Variants in CTNND2 observed in about 807,000 individuals in gnomAD.
CTNND2 encodes the protein catenin delta 2.
CTNND2 carries 22 observed loss-of-function variants against 144.4 expected under a neutral mutation model. The ratio of observed to expected loss-of-function variants is 0.15; its 90% CI spans 0.11 to 0.22. The LOEUF is 0.22. CTNND2 is among the 10% of genes least tolerant of loss of function. The pLI, the probability that CTNND2 is intolerant of heterozygous loss-of-function variation, is 1.00. For missense variants in CTNND2, 1,353 were observed against 1,618.8 expected (o/e 0.84, Z 2.82); for synonymous variants, 751 against 695.6 (o/e 1.08, Z -1.25).
At chr5:11,815,639 G>T (rs926122351) in intron 1 of CTNND2, among the ~76,000 whole-genome samples, 1 of 152,042 alleles carries the variant, frequency 6.6e-6, no homozygotes, top group Non-Finnish European at 1.5e-5. Context: ...GATAGATCTC[G>T]TAAAATCAAG....
intron 2 of CTNND2, among the ~76,000 whole-genome samples, chr5:11,730,867 G>C (rs965843037): frequency 1.3e-5 from 2 of 152,166 alleles, no homozygotes; most frequent in East Asian, 3.8e-4. Context: ...TCAGAAGTTA[G>C]TAGCCTAGCA....
At chr5:11,463,570 T>C (rs1195482753) in intron 3 of CTNND2, among the ~76,000 whole-genome samples, 1 of 152,142 alleles carries the variant, frequency 6.6e-6, no homozygotes, top group Non-Finnish European at 1.5e-5. Flanking sequence ...TAATATTCCA[T>C]GCCCCCATGT....
At chr5:11,509,957 G>T (rs1771475019) in intron 3 of CTNND2, among the ~76,000 whole-genome samples, 1 of 151,996 alleles carries the variant, frequency 6.6e-6, no homozygotes. Flanking sequence ...TTAGAGACAG[G>T]GTCTCGCTCT....
intron 3 of CTNND2, among the ~76,000 whole-genome samples, chr5:11,481,756 AATAGTC>A (rs1768291688): frequency 6.6e-6 from 1 of 152,182 alleles, no homozygotes; most frequent in Admixed American, 6.5e-5. Context: ...ATTTATTTGT[AATAGTC>A]ATATTTGTGT....
chr5:11,726,947 A>C (rs888262403), intron 2 of CTNND2, among the ~76,000 whole-genome samples: 1 of 152,184 alleles, frequency 6.6e-6, no homozygotes, highest in Non-Finnish European at 1.5e-5. Context: ...AAAAGTCAAA[A>C]TAACTTAGAG....
chr5:11,564,941 T>G lies in CTNND2; in HGVS notation c.287+3A>C. On this transcript the variant is annotated splice_donor_region_variant and intron_variant, in intron 3 of 21. Transcript: ENST00000304623. ...CAGACAATGAACAGAGCGGCGCTAG[T>G]ACCTCATGCTGCTCATGCTGCCAGT... is the stretch of plus-strand genomic sequence containing the variant. The G allele has an allele frequency of 6.2e-7, 1 of 1,606,870 alleles. No individual in the cohort carries two copies. The highest frequency in any genetic ancestry group is 8.5e-7 in the Non-Finnish European group (1 of 1,173,396).
In CTNND2 at chr5:10,972,609, T is replaced by C. The variant is rs1735953351; in HGVS notation, c.*844A>G. Reference sequence around the variant, plus strand: ...ACTGGTATAAATGAAAAAATCTATTTCAAATATCTACATCTAAAATTTTAG... The same window carrying C: ...ACTGGTATAAATGAAAAAATCTATTCCAAATATCTACATCTAAAATTTTAG... On this transcript the variant is annotated 3_prime_UTR_variant, in exon 22 of 22. Transcript: ENST00000304623. 1 of 152,632 alleles carries C rather than the reference T, an allele frequency of 6.6e-6. No individual in the cohort carries two copies. The highest frequency in any genetic ancestry group is 2.4e-5 in the African/African-American group (1 of 41,458). 9.5% of individuals were successfully genotyped at this position (152,632 alleles called of 1,614,324 possible).
intron 13 of CTNND2, 21 bp downstream of exon 13, chr5:11,117,429 A>C: frequency 6.3e-7 from 1 of 1,583,836 alleles, no homozygotes; most frequent in African/African-American, 1.3e-5. Context: ...AACATGTTTA[A>C]TCTATGCCAG....
intron 16 of CTNND2, among the ~76,000 whole-genome samples, chr5:11,066,043 CTTT>C (rs34270980): frequency 6.3e-5 from 9 of 142,932 alleles, no homozygotes; most frequent in African/African-American, 7.8e-5. Context: ...AATCTTTTAT[CTTT>C]TTTTTTTTTT....
chr5:11,244,774 C>T (rs12186871), intron 9 of CTNND2, among the ~76,000 whole-genome samples: 13,178 of 152,226 alleles, frequency 0.087, 766 homozygotes, highest in South Asian at 0.15. Context: ...TTAATTCATT[C>T]AACCATGATT....
Position 11,470,978 on chromosome 5 carries a change from ATATTTTTT to A in CTNND2, c.288-58917_288-58910del, listed in dbSNP as rs1268033054. Among the ~76,000 whole-genome samples, 849 of 95,808 alleles carry A rather than the reference ATATTTTTT, an allele frequency of 8.9e-3. 17 individuals carry two copies. Among genetic ancestry groups the A allele is most frequent in the African/African-American group, 0.048 (803 of 16,810 alleles). The allele number at this position is 95,808 out of a possible 152,430, so 62.9% of individuals were successfully genotyped here. A position where few individuals can be genotyped will look rare whatever the true frequency, so the allele number is the denominator to read the frequency against. ...AGTATATATATATATATATATATAT[ATATTTTTT>A]TTTTTTTTTTAGATGGAGTCTCTCT... On this transcript the variant is annotated intron_variant, in intron 3 of 21. Transcript: ENST00000304623.
In CTNND2 at chr5:11,197,672, C is replaced by T. The variant is rs572078807; in HGVS notation, c.1975+1776G>A. Reference sequence around the variant, plus strand: ...ACCCAGAAGCTGTTGGAAGCAATGTCGAAGGCAATGGAGTAGACTGCGGTC... The same window carrying T: ...ACCCAGAAGCTGTTGGAAGCAATGTTGAAGGCAATGGAGTAGACTGCGGTC... On this transcript the variant is annotated intron_variant, in intron 11 of 21. Transcript: ENST00000304623. Among the ~76,000 whole-genome samples, 71 of 152,238 alleles carry T rather than the reference C, an allele frequency of 4.7e-4. 1 individual carries two copies. Among genetic ancestry groups the T allele is most frequent in the African/African-American group, 1.5e-3 (62 of 41,552 alleles).
rs188230230 is a variant in CTNND2 at position 11,057,339 on chromosome 5, T to C, written c.2788+25357A>G. Among the ~76,000 whole-genome samples, 365 of 152,312 alleles carry C rather than the reference T, an allele frequency of 2.4e-3. 1 individual carries two copies. Among genetic ancestry groups the C allele is most frequent in the African/African-American group, 8.1e-3 (337 of 41,568 alleles). On this transcript the variant is annotated intron_variant, in intron 16 of 21. Transcript: ENST00000304623. The stretch of plus-strand genomic sequence containing the variant: ...CCCACGTGTTGTTGGAGGGACCCAG[T>C]GGGAAGTAATTGAATCATGGGGACA...
At chr5:11,886,038 G>A (rs1034518498) in intron 1 of CTNND2, among the ~76,000 whole-genome samples, 1 of 151,946 alleles carries the variant, frequency 6.6e-6, no homozygotes, top group East Asian at 1.9e-4. Flanking sequence ...GCAGTACAGA[G>A]AGGAAGTTTA....
intron 3 of CTNND2, among the ~76,000 whole-genome samples, chr5:11,510,950 T>C (rs1771583449): frequency 6.6e-6 from 1 of 151,850 alleles, no homozygotes; most frequent in Non-Finnish European, 1.5e-5. Context: ...AAAAATGCAT[T>C]TGAATAGAAA....
chr5:11,263,281 CA>C (rs1252339993), intron 9 of CTNND2, among the ~76,000 whole-genome samples: 1 of 152,016 alleles, frequency 6.6e-6, no homozygotes, highest in Non-Finnish European at 1.5e-5. Flanking sequence ...TTTCGTATTT[CA>C]AATATGAAAT....
At chr5:11,317,262 G>C (rs1751609210) in intron 9 of CTNND2, among the ~76,000 whole-genome samples, 1 of 152,178 alleles carries the variant, frequency 6.6e-6, no homozygotes, top group East Asian at 1.9e-4. Flanking sequence ...ACTAGGATTT[G>C]AACTCAGTCT....
chr5:11,456,239 T>C (rs1166535790), intron 3 of CTNND2, among the ~76,000 whole-genome samples: 1 of 152,164 alleles, frequency 6.6e-6, no homozygotes, highest in Non-Finnish European at 1.5e-5. Context: ...GGGTTGTGTT[T>C]GGTTTTCCTC....
At chr5:11,532,038 A>AG (rs1773789011) in intron 3 of CTNND2, among the ~76,000 whole-genome samples, 2 of 152,102 alleles carry the variant, frequency 1.3e-5, no homozygotes, top group African/African-American at 4.8e-5. Flanking sequence ...CAACCCCTTC[A>AG]GGAAGAGCCA....
Sources: allele counts gnomAD v4.1 joint callset (sites outside exome capture counted in the v4.1 genomes callset), GRCh38; gene constraint gnomAD v4.1.1; transcripts MANE v1.5; gene names NCBI Gene and HGNC (gene_info 2026-07-23, HGNC 2026-07-21).